Variants in TSPAN1 observed in about 807,000 individuals in gnomAD.
TSPAN1 encodes the protein tetraspanin 1.
Under a neutral mutation model 26.9 loss-of-function variants are expected in TSPAN1, and 23 were observed. That is an observed-to-expected ratio of 0.85 (90% CI 0.62 to 1.21). TSPAN1 has a LOEUF of 1.21. Among genes scored for constraint, TSPAN1 ranks in the 50% most tolerant of loss-of-function variants. The pLI, the probability that TSPAN1 is intolerant of heterozygous loss-of-function variation, is 0.00. For synonymous variants in TSPAN1, 115 were observed against 114.8 expected (o/e 1.00, Z -0.01); for missense variants, 283 against 298.4 (o/e 0.95, Z 0.38).
Position 46,184,289 on chromosome 1 carries a change from G to T in TSPAN1, c.156G>T (p.Gln52His). 6.2e-7 allele frequency: 1 copy of T among 1,614,216 alleles called. No individual in the cohort carries two copies. The highest frequency in any genetic ancestry group is 8.5e-7 in the Non-Finnish European group (1 of 1,180,048). ...IFGPLSSSAM[Q>H]FVNVGYFLIA... ...GGCCACTGTCGTCCAGTGCCATGCA[G>T]TTTGTCAACGTGGGCTACTTCCTCA... The change falls in exon 4 of 9, where the codon CAG becomes CAT. Residue 52 changes from glutamine to histidine, a missense_variant. Coordinates refer to ENST00000372003, the MANE Select transcript of TSPAN1 (RefSeq NM_005727.4).
At position 46,184,391 on chromosome 1, in the gene TSPAN1, C is replaced by G. The variant is rs1021492811; in HGVS notation, c.258C>G (p.Leu86=). 2 of 1,613,950 alleles carry G rather than the reference C, an allele frequency of 1.2e-6. No individual in the cohort carries two copies. The highest frequency in any genetic ancestry group is 1.7e-5 in the Admixed American group (1 of 59,970). ...YGAKTESKCA[L]VTFFFILLLI... The stretch of plus-strand genomic sequence containing the variant: ...CTAAGACTGAGAGCAAGTGTGCCCT[C>G]GTGACGGTGTGTGAAACCCAGCTCC... The change falls in exon 4 of 9, where the codon CTC becomes CTG. Residue 86 remains leucine, a synonymous_variant. Transcript: ENST00000372003.
chr1:46,188,651 C>G (rs374240347), downstream of TSPAN1: 31 of 1,555,540 alleles, frequency 2.0e-5, no homozygotes, highest in East Asian at 2.0e-4. Flanking sequence ...CCAGCACCCC[C>G]CTGACACACA....
At chr1:46,190,986 G>A in the TSPAN1 span, 1 of 582,234 alleles carries the variant, frequency 1.7e-6, no homozygotes, top group East Asian at 3.4e-5. Flanking sequence ...CACCATTGCT[G>A]GAGAGCTCAT....
chr1:46,178,314 G>T (rs576128522), intron 1 of TSPAN1, among the ~76,000 whole-genome samples: 1 of 150,818 alleles, frequency 6.6e-6, no homozygotes, highest in Non-Finnish European at 1.5e-5. Context: ...CCAAGATTGC[G>T]CCACTGCATT....
intron 3 of TSPAN1, 25 bp from the exon 4 acceptor site, chr1:46,184,166 G>T (rs771007454): frequency 8.2e-5 from 133 of 1,613,506 alleles, no homozygotes; most frequent in Non-Finnish European, 1.1e-4. Flanking sequence ...ACTGTTTAAG[G>T]CCTGCCTGAC....
the TSPAN1 span, chr1:46,191,762 G>A: frequency 8.5e-6 from 3 of 354,078 alleles, no homozygotes; most frequent in Admixed American, 1.2e-4. Context: ...AGCCTCCCAA[G>A]TAGCTGGGAC....
At chr1:46,186,867 T>C (rs376741643), downstream of TSPAN1, among the ~76,000 whole-genome samples, 85 of 152,158 alleles carry the variant, frequency 5.6e-4, 2 homozygotes, top group South Asian at 0.016. Flanking sequence ...TTTCACTGTG[T>C]TAGCCAGGAT....
intron 1 of TSPAN1, among the ~76,000 whole-genome samples, chr1:46,176,649 C>G (rs752444634): frequency 3.3e-5 from 5 of 152,250 alleles, no homozygotes; most frequent in Non-Finnish European, 7.3e-5. Context: ...GGCCTAAAAG[C>G]CAGCCCAAGA....
chr1:46,185,284 G>A lies in TSPAN1; in HGVS notation c.654G>A (p.Val218=), dbSNP rs1657404928. The change falls in exon 8 of 9, where the codon GTG becomes GTA. Residue 218 remains valine, a synonymous_variant. Coordinates refer to ENST00000372003, the MANE Select transcript of TSPAN1 (RefSeq NM_005727.4). ...CTAATGCAGTCACCGTGGGTGGTGT[G>A]GCAGCTGGAATTGGGGGCCTCGAGG... is the stretch of plus-strand genomic sequence containing the variant. The part of the protein sequence containing the change: ...IRTNAVTVGG[V]AAGIGGLELA... 6 of 1,614,138 alleles carry A rather than the reference G, an allele frequency of 3.7e-6. No homozygotes were observed. Among genetic ancestry groups the A allele is most frequent in the Non-Finnish European group, 4.2e-6 (5 of 1,180,018 alleles).
the TSPAN1 span, chr1:46,194,175 C>T: frequency 1.9e-6 from 3 of 1,604,824 alleles, no homozygotes; most frequent in Non-Finnish European, 2.6e-6. Context: ...TGGTTCTCTC[C>T]CAGGCTCAGG....
At chr1:46,190,029 C>A (rs374155217), downstream of TSPAN1, 21 of 1,611,420 alleles carry the variant, frequency 1.3e-5, no homozygotes, top group African/African-American at 2.5e-4. Context: ...AGACAGGGCC[C>A]ACTTCATGGG....
At chr1:46,188,802 T>C, downstream of TSPAN1, 1 of 1,612,870 alleles carries the variant, frequency 6.2e-7, no homozygotes. Context: ...TGAGTCTGTG[T>C]CAGCATGTGG....
chr1:46,196,011 C>T, the TSPAN1 span: 3 of 1,614,094 alleles, frequency 1.9e-6, no homozygotes, highest in Non-Finnish European at 2.5e-6. This position sits in a 1 kb window ranked among gnomAD's most constrained non-coding sequence, Gnocchi z 4.4. Flanking sequence ...TAGAAACTCA[C>T]CGTGGCCTGG....
the TSPAN1 span, chr1:46,194,205 A>G: frequency 4.3e-5 from 69 of 1,613,258 alleles, 1 homozygote; most frequent in Middle Eastern, 1.7e-3. Flanking sequence ...CCCAACCTAG[A>G]TCATTCCTGG....
At chr1:46,176,152 G>C in intron 1 of TSPAN1, 1 of 1,498,828 alleles carries the variant, frequency 6.7e-7, no homozygotes, top group Non-Finnish European at 9.0e-7. Flanking sequence ...CGGGATTACA[G>C]GCATGAGCCA....
At chr1:46,195,448 CCTCT>C in the TSPAN1 span, 1 of 378,848 alleles carries the variant, frequency 2.6e-6, no homozygotes, top group East Asian at 6.5e-5. Flanking sequence ...TGTCCCCTCC[CCTCT>C]ATCATTCATT....
At chr1:46,190,838 C>CA (rs1553162898), downstream of TSPAN1, 12 of 1,497,590 alleles carry the variant, frequency 8.0e-6, no homozygotes, top group Non-Finnish European at 1.1e-5. Flanking sequence ...GGCCCACACC[C>CA]ACTTGCTGAC....
chr1:46,192,049 T>C, the TSPAN1 span: 3 of 1,576,880 alleles, frequency 1.9e-6, no homozygotes, highest in South Asian at 3.4e-5. Context: ...CATGTTCTTG[T>C]TCTTGACTGT....
intron 1 of TSPAN1, among the ~76,000 whole-genome samples, chr1:46,176,941 G>A (rs1233590937): frequency 6.6e-6 from 1 of 152,136 alleles, no homozygotes; most frequent in African/African-American, 2.4e-5. Flanking sequence ...TGAACAAAGG[G>A]TAAATGCAAG....
Sources: allele counts gnomAD v4.1 joint callset (sites outside exome capture counted in the v4.1 genomes callset), GRCh38; gene constraint gnomAD v4.1.1; non-coding constraint Gnocchi (gnomAD v3.1); transcripts MANE v1.5; gene names NCBI Gene and HGNC (gene_info 2026-07-23, HGNC 2026-07-21).